EHMT1: variants seen among roughly 807,000 people sequenced by gnomAD.
EHMT1 encodes euchromatic histone lysine methyltransferase 1, also known as histone-lysine N-methyltransferase EHMT1.
EHMT1 carries 15 observed loss-of-function variants against 147.2 expected under a neutral mutation model. The ratio of observed to expected loss-of-function variants is 0.10; its 90% CI spans 0.07 to 0.16. The LOEUF is 0.16. EHMT1 is among the 10% of genes least tolerant of loss of function. The pLI, the probability that EHMT1 is intolerant of heterozygous loss-of-function variation, is 1.00. For synonymous variants in EHMT1, 795 were observed against 709.6 expected (o/e 1.12, Z -1.91); for missense variants, 1,587 against 1,772.4 (o/e 0.90, Z 1.88).
intron 1 of EHMT1, among the ~76,000 whole-genome samples, chr9:137,645,273 G>A (rs148868767): frequency 3.9e-5 from 6 of 152,356 alleles, no homozygotes; most frequent in South Asian, 2.1e-4. Flanking sequence ...AGAAAGGGCC[G>A]GAATTGGCTT....
intron 9 of EHMT1, among the ~76,000 whole-genome samples, chr9:137,758,444 C>T (rs1360243660): frequency 6.6e-6 from 1 of 152,200 alleles, no homozygotes; most frequent in Non-Finnish European, 1.5e-5. Context: ...ATGGAATATT[C>T]GTATTTAGTG....
At chr9:137,766,444 A>T (rs1286189171) in intron 10 of EHMT1, among the ~76,000 whole-genome samples, 1 of 152,132 alleles carries the variant, frequency 6.6e-6, no homozygotes, top group East Asian at 1.9e-4. Context: ...GGGAAACACC[A>T]TCTCTACTGA....
chr9:137,728,605 G>C, intron 4 of EHMT1, 76 bp downstream of exon 4: 1 of 1,598,120 alleles, frequency 6.3e-7, no homozygotes, highest in Non-Finnish European at 8.6e-7. Flanking sequence ...TGAGAGTTCT[G>C]TTTGGCTGTA....
rs373407070 is a variant in EHMT1, at chr9:137,716,967, C to T, written c.427C>T (p.Leu143=). ...QAQPLRTTST[L]ASSLPGHAAK... is the part of the protein sequence containing the mutation. ...ACAGCCCTTGAGGACTACCAGCACT[C>T]TGGCCTCTTCGCTGCCTGGCCATGC... Residue 143 remains leucine, a synonymous_variant, in exon 3 of 27, where the codon CTG becomes TTG. Transcript: ENST00000460843. 1.1e-5 allele frequency: 17 copies of T among 1,611,532 alleles called. No homozygotes were observed. The African/African-American group carries it at 2.3e-4, about 21-fold the overall frequency.
In EHMT1 at chr9:137,649,995, A is replaced by G. The variant is rs373811164; in HGVS notation, c.21+30946A>G. Reference sequence around the variant, plus strand: ...GCTACAGTGGTCTCATTGTGGGACAACCTTTGAGGAACTGTGTTTTTATGG... The same window carrying G: ...GCTACAGTGGTCTCATTGTGGGACAGCCTTTGAGGAACTGTGTTTTTATGG... On this transcript the variant is annotated intron_variant, in intron 1 of 26. Coordinates refer to ENST00000460843, the MANE Select transcript of EHMT1 (RefSeq NM_024757.5). Among the ~76,000 whole-genome samples the G allele has an allele frequency of 1.0e-3, 158 of 152,274 alleles. 1 individual carries two copies. The highest frequency in any genetic ancestry group is 3.4e-3 in the African/African-American group (140 of 41,548).
intron 1 of EHMT1, among the ~76,000 whole-genome samples, chr9:137,663,651 T>C (rs1939321607): frequency 6.6e-6 from 1 of 152,246 alleles, no homozygotes. Context: ...CCAGCATCTT[T>C]CTGTTCTCTT....
rs1954659185 is a variant in EHMT1 at position 137,813,461 on chromosome 9, C to T, written c.3111C>T (p.Asn1037=). 6.2e-7 allele frequency: 1 copy of T among 1,614,106 alleles called. No homozygotes were observed. The highest frequency in any genetic ancestry group is 2.2e-5 in the East Asian group (1 of 44,882). The change falls in exon 21 of 27, where the codon AAC becomes AAT. Residue 1037 remains asparagine (N), a synonymous_variant. Transcript: ENST00000460843. The surrounding 1 kb of genome is among the most constrained non-coding windows in gnomAD (Gnocchi z 4.9). ...TGGACAGCGAGCCATGCCCCAGCAA[C>T]TACAAGTACGTCTCTCAGAACTGCG... ...NAVDSEPCPS[N]YKYVSQNCVT...
intron 1 of EHMT1, among the ~76,000 whole-genome samples, chr9:137,672,963 G>C (rs753831543): frequency 4.6e-5 from 7 of 152,226 alleles, no homozygotes; most frequent in Non-Finnish European, 7.3e-5. Flanking sequence ...TTTTCTGCAT[G>C]CAGGTTTAAG....
At chr9:137,683,380 A>G (rs1437440184) in intron 1 of EHMT1, among the ~76,000 whole-genome samples, 2 of 152,234 alleles carry the variant, frequency 1.3e-5, no homozygotes, top group Admixed American at 1.3e-4. Flanking sequence ...AGTAAAAACT[A>G]TACATAAGCC....
At chr9:137,657,407 C>T (rs567689700) in intron 1 of EHMT1, among the ~76,000 whole-genome samples, 190 of 151,540 alleles carry the variant, frequency 1.3e-3, no homozygotes, top group Non-Finnish European at 1.8e-3. Flanking sequence ...GAGAGGCTGT[C>T]GCGCTCGTTA....
In EHMT1 at chr9:137,726,546, C is replaced by T. The variant is rs188113862; in HGVS notation, c.643-1803C>T. On this transcript the variant is annotated intron_variant, in intron 3 of 26. Coordinates refer to ENST00000460843, the MANE Select transcript of EHMT1 (RefSeq NM_024757.5). ...ACAGCCGACCCTCGGGTGGCTTCCC[C>T]CTTTTGGCTGCTGTGGTTGATGCTG... Among the ~76,000 whole-genome samples, 315 of 145,700 alleles carry T rather than the reference C, an allele frequency of 2.2e-3. 6 individuals carry two copies. The East Asian group carries it at 0.033, about 15-fold the overall frequency.
rs765029828 is a variant in EHMT1 at position 137,731,265 on chromosome 9, G to A, written c.823+2736G>A. On this transcript the variant is annotated intron_variant, in intron 4 of 26. Coordinates refer to ENST00000460843, the MANE Select transcript of EHMT1 (RefSeq NM_024757.5). This position sits in a 1 kb window ranked among gnomAD's most constrained non-coding sequence, Gnocchi z 4.3. The stretch of plus-strand genomic sequence containing the variant: ...CTGGAGGAGATGTGCTCGGCAGTTA[G>A]CTGCCTGCTGTGGTCCAGTGGTTAA... 1.2e-4 allele frequency among the ~76,000 whole-genome samples: 18 copies of A among 152,206 alleles called. No homozygotes were observed. The highest frequency in any genetic ancestry group is 2.2e-4 in the Non-Finnish European group (15 of 68,032).
chr9:137,737,915 C>A (rs146245970), intron 4 of EHMT1, among the ~76,000 whole-genome samples: 1 of 152,108 alleles, frequency 6.6e-6, no homozygotes, highest in Non-Finnish European at 1.5e-5. Context: ...CAAAGGAGGC[C>A]GGGTGCAGTG....
chr9:137,774,957 C>T, intron 10 of EHMT1, 152 bp from the exon 11 acceptor site: 1 of 1,075,114 alleles, frequency 9.3e-7, no homozygotes, highest in Non-Finnish European at 1.4e-6. Flanking sequence ...TCGATAAGTG[C>T]TTGCAAAGCC....
intron 1 of EHMT1, among the ~76,000 whole-genome samples, chr9:137,642,085 C>T (rs1844531222): frequency 6.6e-6 from 1 of 152,080 alleles, no homozygotes; most frequent in African/African-American, 2.4e-5. Flanking sequence ...GGTGATCCAC[C>T]CGCCTCGGCC....
In EHMT1 at chr9:137,717,229, G is replaced by T. The variant is rs759574667; in HGVS notation, c.642+47G>T. On this transcript the variant is annotated intron_variant, in intron 3 of 26. Coordinates refer to ENST00000460843, the MANE Select transcript of EHMT1 (RefSeq NM_024757.5). Reference sequence around the variant, plus strand: ...CTGTTTCCTTTTTCCCATCTCTTTTGTTTTAATAACGGCAAATGGACTTTG... The same window carrying T: ...CTGTTTCCTTTTTCCCATCTCTTTTTTTTTAATAACGGCAAATGGACTTTG... 3.1e-6 allele frequency: 5 copies of T among 1,601,086 alleles called. No individual in the cohort carries two copies. Among genetic ancestry groups the T allele is most frequent in the Non-Finnish European group, 4.2e-6 (5 of 1,177,796 alleles).
At chr9:137,669,763 G>C (rs1940325246) in intron 1 of EHMT1, among the ~76,000 whole-genome samples, 1 of 152,004 alleles carries the variant, frequency 6.6e-6, no homozygotes, top group African/African-American at 2.4e-5. Context: ...ATGTTGTCCA[G>C]GCTGTTCTTG....
chr9:137,710,880 G>A (rs1345048442), intron 1 of EHMT1, 87 bp from the exon 2 acceptor site: 9 of 1,459,034 alleles, frequency 6.2e-6, no homozygotes, highest in Non-Finnish European at 7.5e-6. Flanking sequence ...TTGTAACTAC[G>A]ATTTTTTGAC....
chr9:137,827,361 G>C (rs1032840734), intron 25 of EHMT1, among the ~76,000 whole-genome samples: 1 of 152,092 alleles, frequency 6.6e-6, no homozygotes, highest in Admixed American at 6.5e-5. Flanking sequence ...GCCCAGGTAC[G>C]GTTCTTGTTC....
Sources: allele counts gnomAD v4.1 joint callset (sites outside exome capture counted in the v4.1 genomes callset), GRCh38; gene constraint gnomAD v4.1.1; non-coding constraint Gnocchi (gnomAD v3.1); transcripts MANE v1.5; gene names NCBI Gene and HGNC (gene_info 2026-07-23, HGNC 2026-07-21).